KLRG1: variants seen among roughly 807,000 people sequenced by gnomAD.
The protein encoded by KLRG1 is killer cell lectin like receptor G1, also known as killer cell lectin-like receptor subfamily G member 1.
In KLRG1, 16 loss-of-function variants were observed where a neutral mutation model predicts 21.8. That is an observed-to-expected ratio of 0.73 (90% confidence interval 0.50 to 1.11). The LOEUF (loss-of-function observed/expected upper bound fraction) is 1.11, where lower values mean the gene tolerates loss of function less well. Ranked by LOEUF, KLRG1 falls within the 50% of genes most tolerant of loss-of-function variation. The probability of loss-of-function intolerance (pLI) is 0.00; values close to 1 mark genes in which losing one functional copy is unlikely to be tolerated. For missense variants in KLRG1, 173 were observed against 218.3 expected (o/e 0.79, Z 1.31); for synonymous variants, 69 against 75.9 (o/e 0.91, Z 0.47).
chr12:9,080,709 C>T, the KLRG1 span, among the ~76,000 whole-genome samples: 9 of 151,948 alleles, frequency 5.9e-5, no homozygotes, highest in South Asian at 2.1e-4. Context: ...GAAGTGAAGA[C>T]GAACAGTATT....
chr12:9,151,801 T>G, the KLRG1 span: 1 of 669,458 alleles, frequency 1.5e-6, no homozygotes, highest in Non-Finnish European at 2.5e-6. Context: ...TGTTTTCAGG[T>G]CAGGAGTTCC....
the KLRG1 span, among the ~76,000 whole-genome samples, chr12:9,024,477 G>GTTTT: frequency 6.6e-6 from 1 of 152,044 alleles, no homozygotes; most frequent in Non-Finnish European, 1.5e-5. Flanking sequence ...TTTAAAAATT[G>GTTTT]TTTTATCTGT....
chr12:9,199,866 G>A, the KLRG1 span, among the ~76,000 whole-genome samples: 1 of 152,084 alleles, frequency 6.6e-6, no homozygotes, highest in Non-Finnish European at 1.5e-5. Flanking sequence ...AATTTCCGTT[G>A]TAGAGAGTTT....
the KLRG1 span, among the ~76,000 whole-genome samples, chr12:9,081,983 A>G: frequency 1.3e-5 from 2 of 152,318 alleles, no homozygotes; most frequent in East Asian, 1.9e-4. Flanking sequence ...GGGAAGTTCA[A>G]CCTAGCTTGA....
chr12:9,201,001 A>T, the KLRG1 span: 1 of 1,614,122 alleles, frequency 6.2e-7, no homozygotes, highest in Non-Finnish European at 8.5e-7. Context: ...AGGACAACTG[A>T]TTGATGCCAG....
At chr12:8,984,653 T>C (rs1052473188), upstream of KLRG1, among the ~76,000 whole-genome samples, 2 of 152,224 alleles carry the variant, frequency 1.3e-5, no homozygotes, top group Non-Finnish European at 2.9e-5. Flanking sequence ...CTTCAAATTT[T>C]TATTCATTAT....
At chr12:9,077,871 A>G in the KLRG1 span, 3 of 1,614,058 alleles carry the variant, frequency 1.9e-6, no homozygotes, top group Non-Finnish European at 2.5e-6. Flanking sequence ...ACCAGGGAGG[A>G]AGCAATCATG....
the KLRG1 span, among the ~76,000 whole-genome samples, chr12:9,065,597 A>T: frequency 6.6e-6 from 1 of 152,226 alleles, no homozygotes; most frequent in African/African-American, 2.4e-5. Context: ...ACAGCTGGAC[A>T]CTGACTTGCA....
At chr12:9,212,027 T>G in the KLRG1 span, among the ~76,000 whole-genome samples, 1 of 152,154 alleles carries the variant, frequency 6.6e-6, no homozygotes, top group African/African-American at 2.4e-5. Flanking sequence ...GATATGTGGA[T>G]GAATGTGGCT....
chr12:9,033,909 T>C, the KLRG1 span, among the ~76,000 whole-genome samples: 1 of 152,204 alleles, frequency 6.6e-6, no homozygotes, highest in Non-Finnish European at 1.5e-5. Context: ...AGAAGCCATG[T>C]TGGATGCTTC....
At chr12:9,009,274 G>A (rs1947574185) in intron 4 of KLRG1, 152 bp from the exon 5 acceptor site, 1 of 1,044,848 alleles carries the variant, frequency 9.6e-7, no homozygotes, top group Non-Finnish European at 1.3e-6. Flanking sequence ...TTTAAAGAGA[G>A]GCTGATGAAC....
the KLRG1 span, among the ~76,000 whole-genome samples, chr12:9,081,795 G>A: frequency 1.3e-5 from 2 of 152,176 alleles, no homozygotes; most frequent in African/African-American, 2.4e-5. Flanking sequence ...TCATTTCACC[G>A]GGAACACAGG....
At chr12:9,202,403 C>G in the KLRG1 span, 2 of 1,614,016 alleles carry the variant, frequency 1.2e-6, no homozygotes, top group Non-Finnish European at 1.7e-6. Flanking sequence ...AAGATTCAGA[C>G]ATGATAAAGC....
At chr12:9,148,932 AG>A in the KLRG1 span, 4 of 1,549,910 alleles carry the variant, frequency 2.6e-6, no homozygotes, top group Admixed American at 3.4e-5. Flanking sequence ...GTAAATGTAT[AG>A]GACAGAGAAT....
chr12:9,198,490 C>T, the KLRG1 span, among the ~76,000 whole-genome samples: 2 of 152,024 alleles, frequency 1.3e-5, no homozygotes, highest in Admixed American at 6.6e-5. Context: ...AATAACTAAG[C>T]AAATCTAACA....
the KLRG1 span, among the ~76,000 whole-genome samples, chr12:9,107,302 A>G: frequency 6.6e-6 from 1 of 152,144 alleles, no homozygotes; most frequent in East Asian, 1.9e-4. Flanking sequence ...GAGGCTTTAG[A>G]TGGCTCAGTG....
chr12:9,031,126 C>T, the KLRG1 span, among the ~76,000 whole-genome samples: 1 of 152,186 alleles, frequency 6.6e-6, no homozygotes, highest in Non-Finnish European at 1.5e-5. Flanking sequence ...GGCTCAACCC[C>T]TCAGGCACTC....
the KLRG1 span, among the ~76,000 whole-genome samples, chr12:9,061,121 T>C: frequency 6.6e-6 from 1 of 152,192 alleles, no homozygotes; most frequent in African/African-American, 2.4e-5. Context: ...TTTTATTTTT[T>C]ATTTTTTTAT....
At chr12:9,002,787 G>A (rs961330486) in intron 3 of KLRG1, among the ~76,000 whole-genome samples, 6 of 151,786 alleles carry the variant, frequency 4.0e-5, no homozygotes, top group East Asian at 1.9e-4. Flanking sequence ...GGCTGGTCTC[G>A]AACTCCTGGG....
Sources: gnomAD v4.1 joint callset for allele counts (sites outside exome capture counted in the v4.1 genomes callset) on GRCh38, gnomAD v4.1.1 for gene constraint, MANE v1.5 for transcripts, NCBI Gene and HGNC (gene_info 2026-07-23, HGNC 2026-07-21) for gene names.